ARHGEF28: variants seen among roughly 807,000 people sequenced by gnomAD.
ARHGEF28 encodes 190 kDa guanine nucleotide exchange factor.
In ARHGEF28, 152 loss-of-function variants were observed where a neutral mutation model predicts 206.6. The observed-to-expected ratio is 0.74, with a 90% CI of 0.64 to 0.84. The LOEUF (loss-of-function observed/expected upper bound fraction) is 0.84, where lower values mean the gene tolerates loss of function less well. Among genes scored for constraint, ARHGEF28 ranks in the 40% least tolerant of loss-of-function variants. The pLI is 0.00. For synonymous variants in ARHGEF28, 763 were observed against 776.4 expected, an observed-to-expected ratio of 0.98 and a Z score of 0.29; for missense variants, 2,028 against 2,073.2, an observed-to-expected ratio of 0.98 and a Z score of 0.42.
intron 35 of ARHGEF28, among the ~76,000 whole-genome samples, chr5:73,935,837 T>G (rs1016977399): frequency 1.3e-5 from 2 of 152,148 alleles, no homozygotes; most frequent in Non-Finnish European, 2.9e-5. Context: ...GCTCAGAAGA[T>G]ACGCAGTTCT....
At chr5:73,743,661 T>G (rs1320680078) in intron 2 of ARHGEF28, among the ~76,000 whole-genome samples, 1 of 129,328 alleles carries the variant, frequency 7.7e-6, no homozygotes, top group East Asian at 1.9e-4. Context: ...ATGCTTCAAA[T>G]CAGATCAGGG....
At chr5:73,813,620 A>T (rs1187183660) in intron 9 of ARHGEF28, 1 of 1,535,610 alleles carries the variant, frequency 6.5e-7, no homozygotes, top group Non-Finnish European at 8.7e-7. Context: ...CCTTTTAACT[A>T]CTCGTGGCCT....
chr5:73,777,749 G>A (rs1432012102), intron 6 of ARHGEF28, among the ~76,000 whole-genome samples: 1 of 152,052 alleles, frequency 6.6e-6, no homozygotes, highest in Non-Finnish European at 1.5e-5. Flanking sequence ...CAGAATGAGG[G>A]TCTTCTTTTA....
At chr5:73,771,859 AT>A (rs1215490667) in intron 4 of ARHGEF28, among the ~76,000 whole-genome samples, 1 of 152,180 alleles carries the variant, frequency 6.6e-6, no homozygotes, top group Non-Finnish European at 1.5e-5. Context: ...TAGTTTTTTA[AT>A]TTTCATAAAG....
intron 22 of ARHGEF28, among the ~76,000 whole-genome samples, chr5:73,880,274 G>A (rs952500708): frequency 2.7e-4 from 41 of 152,274 alleles, no homozygotes; most frequent in African/African-American, 7.5e-4. Flanking sequence ...TCCTAAGCCC[G>A]TCGGAAAAGC....
intron 2 of ARHGEF28, among the ~76,000 whole-genome samples, chr5:73,739,589 C>T (rs897645284): frequency 4.0e-5 from 6 of 151,522 alleles, no homozygotes; most frequent in African/African-American, 7.3e-5. Context: ...GAAGCTGAGG[C>T]GGGCGGATCG....
At chr5:73,636,214 A>G (rs1743708231) in intron 1 of ARHGEF28, among the ~76,000 whole-genome samples, 1 of 152,212 alleles carries the variant, frequency 6.6e-6, no homozygotes, top group Non-Finnish European at 1.5e-5. Context: ...TTAGGTTGTT[A>G]CAATAAAAAT....
intron 1 of ARHGEF28, among the ~76,000 whole-genome samples, chr5:73,662,633 T>C (rs1745684500): frequency 6.6e-6 from 1 of 152,246 alleles, no homozygotes; most frequent in African/African-American, 2.4e-5. Context: ...ACAACTAATA[T>C]GTCTTCATAC....
chr5:73,698,629 C>T (rs945288865), intron 2 of ARHGEF28, among the ~76,000 whole-genome samples: 2 of 151,804 alleles, frequency 1.3e-5, no homozygotes, highest in Admixed American at 6.6e-5. Flanking sequence ...AACTGGCTGC[C>T]CTGCCCTTGA....
chr5:73,645,696 A>C (rs191294116), intron 1 of ARHGEF28, among the ~76,000 whole-genome samples: 3 of 152,324 alleles, frequency 2.0e-5, no homozygotes, highest in African/African-American at 7.2e-5. Context: ...CATTTTGAAC[A>C]AAAGTTTTAA....
At chr5:73,886,727 C>T (rs1761323402) in intron 25 of ARHGEF28, among the ~76,000 whole-genome samples, 1 of 152,188 alleles carries the variant, frequency 6.6e-6, no homozygotes, top group African/African-American at 2.4e-5. Context: ...ACTAGAATCA[C>T]CTCTGGAGCT....
intron 2 of ARHGEF28, among the ~76,000 whole-genome samples, chr5:73,712,883 C>G (rs1749336217): frequency 6.6e-6 from 1 of 152,002 alleles, no homozygotes; most frequent in Non-Finnish European, 1.5e-5. Context: ...TAACTTTGTT[C>G]TGGGATTGGA....
In ARHGEF28 at chr5:73,749,949, G is replaced by A. The variant is rs562632840; in HGVS notation, c.146G>A (p.Arg49His). The A allele has an allele frequency of 1.7e-5, 27 of 1,613,860 alleles. No individual in the cohort carries two copies. Among genetic ancestry groups the A allele is most frequent in the African/African-American group, 6.7e-5 (5 of 75,022 alleles). The change falls in exon 3 of 36, where the codon CGC (arginine) becomes CAC (histidine). Residue 49 changes from arginine (R) to histidine (H), a missense_variant. Arg to His is a conservative substitution (Grantham distance 29). Around this residue, in one of 3 missense-constraint regions of ARHGEF28, gnomAD observed 1,002 missense variants for 1,015.3 expected, o/e 0.99. Transcript: ENST00000513042. Reference protein sequence around the residue: ...SHQRHVMIAERIEDNVLQSSV... With the variant: ...SHQRHVMIAEHIEDNVLQSSV... The stretch of plus-strand genomic sequence containing the variant: ...CAGCGACATGTCATGATTGCAGAGC[G>A]CATCGAGGATAACGTTCTCCAGTCC...
intron 2 of ARHGEF28, among the ~76,000 whole-genome samples, chr5:73,691,296 T>TACACACAC (rs57854737): frequency 3.2e-4 from 48 of 149,764 alleles, no homozygotes; most frequent in African/African-American, 1.1e-3. Flanking sequence ...GGCAAATGTG[T>TACACACAC]ACACACACAC....
chr5:73,784,858 G>T (rs899775969), intron 7 of ARHGEF28, among the ~76,000 whole-genome samples: 1 of 152,122 alleles, frequency 6.6e-6, no homozygotes, highest in African/African-American at 2.4e-5. Context: ...CTACTCTTGT[G>T]CTTTGGGGTC....
At chr5:73,816,353 G>A (rs1238044381) in intron 9 of ARHGEF28, among the ~76,000 whole-genome samples, 2 of 152,168 alleles carry the variant, frequency 1.3e-5, no homozygotes, top group South Asian at 4.1e-4. Flanking sequence ...CTTTAAAACT[G>A]AGGTGGCTTG....
chr5:73,639,277 A>T (rs998969865), intron 1 of ARHGEF28, among the ~76,000 whole-genome samples: 2 of 149,852 alleles, frequency 1.3e-5, no homozygotes, highest in African/African-American at 4.9e-5. Context: ...TACAATGAGC[A>T]TGAGCTATCT....
chr5:73,691,815 A>G lies in ARHGEF28; in HGVS notation c.33+6931A>G, dbSNP rs552513707. Among the ~76,000 whole-genome samples, 11 of 152,360 alleles carry G rather than the reference A, an allele frequency of 7.2e-5. No individual in the cohort carries two copies. The South Asian group carries it at 2.3e-3, about 32-fold the overall frequency. On this transcript the variant is annotated intron_variant, in intron 2 of 35. Transcript: ENST00000513042. ...TATGGGTCAAGCTCATTCCCTATTGATGGCCATTCACTTTGTTTCAGTTCT... is the reference window on the plus strand; with the variant it reads ...TATGGGTCAAGCTCATTCCCTATTGGTGGCCATTCACTTTGTTTCAGTTCT...
chr5:73,869,222 T>G (rs879103718), intron 20 of ARHGEF28, among the ~76,000 whole-genome samples: 109 of 99,314 alleles, frequency 1.1e-3, no homozygotes, highest in South Asian at 2.0e-3. Flanking sequence ...GTGTGTGGGG[T>G]GGAGGGGGGT....
Sources: gnomAD v4.1 joint callset for allele counts (sites outside exome capture counted in the v4.1 genomes callset) on GRCh38, gnomAD v4.1.1 for gene constraint, gnomAD v4.1.1 regional missense constraint, MANE v1.5 for transcripts, NCBI Gene and HGNC (gene_info 2026-07-23, HGNC 2026-07-21) for gene names.